SSH1: variants seen among roughly 807,000 people sequenced by gnomAD.
SSH1 encodes slingshot protein phosphatase 1, also known as protein phosphatase Slingshot homolog 1.
A neutral mutation model predicts 79.7 loss-of-function variants in SSH1; 43 were observed. That is an observed-to-expected ratio of 0.54 (90% confidence interval 0.42 to 0.70). The LOEUF (loss-of-function observed/expected upper bound fraction) is 0.70. SSH1 is among the 30% of genes least tolerant of loss of function. The pLI, the probability that SSH1 is intolerant of heterozygous loss-of-function variation, is 0.00. For synonymous variants in SSH1, 599 were observed against 538.3 expected, an observed-to-expected ratio of 1.11 and a Z score of -1.56; for missense variants, 1,206 against 1,358.8, an observed-to-expected ratio of 0.89 and a Z score of 1.77.
In SSH1 at chr12:108,807,103, G is replaced by A. The variant is rs1447968066; in HGVS notation, c.731+530C>T. On this transcript the variant is annotated intron_variant, in intron 8 of 14. Transcript: ENST00000326495. This position sits in a 1 kb window ranked among gnomAD's most constrained non-coding sequence, Gnocchi z 5.2. ...GCATTCTCCCTAACTAGACTTCAGC[G>A]AGTGTGGCCTCTCCATGTCAGCGCT... Among the ~76,000 whole-genome samples the A allele has an allele frequency of 6.6e-6, 1 of 152,194 alleles. No individual in the cohort carries two copies. The highest frequency in any genetic ancestry group is 1.5e-5 in the Non-Finnish European group (1 of 68,032).
rs765866095 is a variant in SSH1, at chr12:108,792,642, G to A, written c.1537C>T (p.Arg513Ter). 4.3e-6 allele frequency: 7 copies of A among 1,611,264 alleles called. No homozygotes were observed. The highest frequency in any genetic ancestry group is 1.3e-5 in the African/African-American group (1 of 74,914). Residue 513 changes from arginine (R) to a stop codon, truncating the protein, a stop_gained, in exon 14 of 15, where the codon CGA (arginine) becomes TGA (stop). Coordinates refer to ENST00000326495, the MANE Select transcript of SSH1 (RefSeq NM_018984.4). LOFTEE classifies it high-confidence loss of function. ...GAAGGCAGAAGGGGGTCTGAGAGTC[G>A]CCGGAAACAGCAGGGGAGGGGGGGC... ...LGPPLPCCFR[R>*]LSDPLLPSPE...
chr12:108,794,080 C>T (rs569102720), intron 13 of SSH1, among the ~76,000 whole-genome samples: 34 of 152,344 alleles, frequency 2.2e-4, no homozygotes, highest in Middle Eastern at 3.4e-3. Context: ...CACAGTTGGC[C>T]GGCCCTGTTC....
chr12:108,802,147 G>C (rs980304016), intron 11 of SSH1, among the ~76,000 whole-genome samples, 175 bp downstream of exon 11: 1 of 152,202 alleles, frequency 6.6e-6, no homozygotes, highest in Non-Finnish European at 1.5e-5. Context: ...TATTCAGGGC[G>C]TGGTGTTTGG....
At chr12:108,812,217 T>C (rs912306451) in intron 5 of SSH1, among the ~76,000 whole-genome samples, 1 of 152,214 alleles carries the variant, frequency 6.6e-6, no homozygotes. Context: ...CTCCGTGCCA[T>C]CCTACCCACT....
rs138244403 is a variant in SSH1 at position 108,846,082 on chromosome 12, ACTTC to A, written c.110+6552_110+6555del. ...GTAGGGAGAATGGGGTCCCTGGGGG[ACTTC>A]CAAGTGGAGACCAAAAGGGGAAGGG... On this transcript the variant is annotated intron_variant, in intron 2 of 14. Coordinates refer to ENST00000326495, the MANE Select transcript of SSH1 (RefSeq NM_018984.4). 3.1e-3 allele frequency among the ~76,000 whole-genome samples: 465 copies of A among 152,254 alleles called. 4 individuals are homozygous for A. Among genetic ancestry groups the A allele is most frequent in the Non-Finnish European group, 3.4e-3 (229 of 68,008 alleles).
chr12:108,855,569 A>G (rs1458257901), intron 1 of SSH1, among the ~76,000 whole-genome samples: 2 of 152,234 alleles, frequency 1.3e-5, no homozygotes, highest in African/African-American at 4.8e-5. Flanking sequence ...CTCTAGGAAC[A>G]TGGGGTTTTG....
At chr12:108,831,956 C>G (rs1412799649) in intron 2 of SSH1, among the ~76,000 whole-genome samples, 2 of 152,332 alleles carry the variant, frequency 1.3e-5, no homozygotes, top group East Asian at 3.9e-4. Context: ...GTCAACATCA[C>G]AAATTCTCAG....
At chr12:108,803,935 T>C (rs1197569845) in intron 10 of SSH1, among the ~76,000 whole-genome samples, 1 of 152,224 alleles carries the variant, frequency 6.6e-6, no homozygotes, top group Non-Finnish European at 1.5e-5. Context: ...AATTACTTCC[T>C]ACAGAAAACA....
At chr12:108,798,922 C>T (rs2036865629) in intron 13 of SSH1, 78 bp downstream of exon 13, 13 of 1,541,036 alleles carry the variant, frequency 8.4e-6, no homozygotes, top group East Asian at 6.7e-5. Flanking sequence ...GCTCTGCTGC[C>T]GACAGAGGCC....
Position 108,857,548 on chromosome 12 carries a change from C to G in SSH1, c.-52G>C. 1.0e-6 allele frequency: 1 copy of G among 1,002,408 alleles called. No homozygotes were observed. The highest frequency in any genetic ancestry group is 3.3e-5 in the South Asian group (1 of 30,236). 62.1% of individuals were successfully genotyped at this position (1,002,408 alleles called of 1,614,324 possible). A position where few individuals can be genotyped will look rare whatever the true frequency, so the allele number is the denominator to read the frequency against. On this transcript the variant is annotated 5_prime_UTR_variant, in exon 1 of 15. Transcript: ENST00000326495. This position sits in a 1 kb window ranked among gnomAD's most constrained non-coding sequence, Gnocchi z 4.7. ...CAGACGTCTCGAGCTAGAGCCGCCA[C>G]CGCCACCGCCGCCCGGGCCGGGCCC...
At chr12:108,828,648 T>G (rs944307290) in intron 2 of SSH1, among the ~76,000 whole-genome samples, 1 of 152,186 alleles carries the variant, frequency 6.6e-6, no homozygotes, top group African/African-American at 2.4e-5. Context: ...TTCTTCCATC[T>G]GCCCAAGTAG....
intron 2 of SSH1, among the ~76,000 whole-genome samples, chr12:108,849,473 C>T (rs1488581397): frequency 1.3e-5 from 2 of 152,160 alleles, no homozygotes; most frequent in Non-Finnish European, 1.5e-5. Context: ...GGGAAGATAG[C>T]TTGGCCCCAG....
intron 2 of SSH1, among the ~76,000 whole-genome samples, chr12:108,848,122 A>C (rs1175260067): frequency 6.6e-6 from 1 of 152,188 alleles, no homozygotes; most frequent in Non-Finnish European, 1.5e-5. Flanking sequence ...AAAGACTCCG[A>C]GGACCAGAAG....
rs567096675 is a variant in SSH1 at position 108,782,200 on chromosome 12, A to T, written c.*5788T>A. The stretch of plus-strand genomic sequence containing the variant: ...GCTCTGCCTCCTGAGTGTCCAAGGG[A>T]GAAGAGCCACCAAAAGCTGCCTGGG... On this transcript the variant is annotated 3_prime_UTR_variant, in exon 15 of 15. Coordinates refer to ENST00000326495, the MANE Select transcript of SSH1 (RefSeq NM_018984.4). 1.3e-5 allele frequency: 2 copies of T among 150,328 alleles called. No individual in the cohort carries two copies. Among genetic ancestry groups the T allele is most frequent in the Non-Finnish European group, 3.0e-5 (2 of 67,728 alleles). 9.3% of individuals were successfully genotyped at this position (150,328 alleles called of 1,614,324 possible).
chr12:108,841,441 A>C (rs1486360705), intron 2 of SSH1, among the ~76,000 whole-genome samples: 1 of 152,216 alleles, frequency 6.6e-6, no homozygotes, highest in African/African-American at 2.4e-5. Context: ...AGTTTAATTA[A>C]GTTCTGACAG....
At chr12:108,798,266 C>T (rs181732171) in intron 13 of SSH1, among the ~76,000 whole-genome samples, 41 of 152,324 alleles carry the variant, frequency 2.7e-4, no homozygotes, top group African/African-American at 9.4e-4. Context: ...TGAGCTCAAG[C>T]GACCACCCAC....
At chr12:108,794,870 T>TG (rs1011487437) in intron 13 of SSH1, among the ~76,000 whole-genome samples, 2 of 147,856 alleles carry the variant, frequency 1.4e-5, no homozygotes, top group Admixed American at 1.3e-4. Flanking sequence ...GGGGGGTGGG[T>TG]GGGAAGGAAG....
intron 2 of SSH1, among the ~76,000 whole-genome samples, chr12:108,845,078 G>A (rs1215670154): frequency 6.7e-6 from 1 of 149,850 alleles, no homozygotes; most frequent in Non-Finnish European, 1.5e-5. Context: ...AATTTGCAGG[G>A]TACACCTACA....
At chr12:108,846,217 G>T (rs1464517999) in intron 2 of SSH1, among the ~76,000 whole-genome samples, 2 of 152,088 alleles carry the variant, frequency 1.3e-5, no homozygotes, top group South Asian at 4.1e-4. Flanking sequence ...CCAAACCTTT[G>T]CTAGGGCAGG....
Sources: gnomAD v4.1 joint callset for allele counts (sites outside exome capture counted in the v4.1 genomes callset) on GRCh38, gnomAD v4.1.1 for gene constraint, Gnocchi (gnomAD v3.1) non-coding constraint, MANE v1.5 for transcripts, NCBI Gene and HGNC (gene_info 2026-07-23, HGNC 2026-07-21) for gene names.